PITPNC1: variants seen among roughly 807,000 people sequenced by gnomAD.
PITPNC1 encodes the protein cytoplasmic phosphatidylinositol transfer protein 1.
In PITPNC1, 18 loss-of-function variants were observed where a neutral mutation model predicts 44.7. The ratio of observed to expected loss-of-function variants is 0.40; its 90% confidence interval spans 0.28 to 0.60. The LOEUF (loss-of-function observed/expected upper bound fraction) is 0.60. PITPNC1 is among the 20% of genes least tolerant of loss of function. PITPNC1 has a pLI of 0.39. For missense variants in PITPNC1, 290 were observed against 418.4 expected (o/e 0.69, Z 2.68); for synonymous variants, 141 against 149.6 (o/e 0.94, Z 0.42).
At chr17:67,673,347 G>T (rs1350179343) in intron 7 of PITPNC1, among the ~76,000 whole-genome samples, 4 of 152,044 alleles carry the variant, frequency 2.6e-5, no homozygotes, top group Non-Finnish European at 5.9e-5. Context: ...TATTTACCCA[G>T]GATGGAAAAG....
chr17:67,377,809 G>A lies in PITPNC1; in HGVS notation c.-346G>A, dbSNP rs1020494009. 3 of 287,980 alleles carry A rather than the reference G, an allele frequency of 1.0e-5. No individual in the cohort carries two copies. Among genetic ancestry groups the A allele is most frequent in the Admixed American group, 5.2e-5 (1 of 19,110 alleles). The allele number at this position is 287,980 out of a possible 1,614,324, so 17.8% of individuals were successfully genotyped here. A position where few individuals can be genotyped will look rare whatever the true frequency, so the allele number is the denominator to read the frequency against. On this transcript the variant is annotated 5_prime_UTR_variant, in exon 1 of 9. Coordinates refer to ENST00000581322, the MANE Select transcript of PITPNC1 (RefSeq NM_012417.4). ...CTTTTTTCCTCCCTCGCTCGCTGCC[G>A]GGCATGTCCTGATCTGGCGGCCGCT... is the stretch of plus-strand genomic sequence containing the variant.
intron 1 of PITPNC1, among the ~76,000 whole-genome samples, chr17:67,397,036 G>A (rs1386603139): frequency 1.3e-5 from 2 of 151,920 alleles, no homozygotes; most frequent in Non-Finnish European, 2.9e-5. Context: ...GCTGGAGTGC[G>A]ATGGTGTGAT....
intron 1 of PITPNC1, among the ~76,000 whole-genome samples, chr17:67,493,684 G>A (rs1380688867): frequency 6.6e-6 from 1 of 152,188 alleles, no homozygotes; most frequent in Non-Finnish European, 1.5e-5. Context: ...GGAAATACTG[G>A]AAAGGGGAGG....
chr17:67,499,613 T>C (rs950486105), intron 1 of PITPNC1, among the ~76,000 whole-genome samples: 1 of 152,228 alleles, frequency 6.6e-6, no homozygotes, highest in Non-Finnish European at 1.5e-5. Context: ...ATTACAGTCA[T>C]GCACCATATA....
chr17:67,382,340 T>G (rs958028421), intron 1 of PITPNC1, among the ~76,000 whole-genome samples: 1 of 62,146 alleles, frequency 1.6e-5, no homozygotes, highest in East Asian at 2.6e-4. Flanking sequence ...GGTTTTTTGG[T>G]GTGTGTGTGT....
At position 67,529,530 on chromosome 17, in the gene PITPNC1, C is replaced by T. The variant is rs374685100; in HGVS notation, c.49-3272C>T. The stretch of plus-strand genomic sequence containing the variant: ...TCAGTGGCATCTAGTGCATTCTCAA[C>T]GTTGTGCAAAACCACCTCTATCCAA... On this transcript the variant is annotated intron_variant, in intron 1 of 8. Transcript: ENST00000581322. Among the ~76,000 whole-genome samples, 5 of 152,220 alleles carry T rather than the reference C, an allele frequency of 3.3e-5. No individual in the cohort carries two copies. In the East Asian group the frequency reaches 5.8e-4, roughly 18 times the overall value.
chr17:67,491,049 A>C (rs928267785), intron 1 of PITPNC1, among the ~76,000 whole-genome samples: 2 of 152,220 alleles, frequency 1.3e-5, no homozygotes, highest in African/African-American at 2.4e-5. Context: ...CAAAGAATGC[A>C]GTCCTGCCCT....
Position 67,464,115 on chromosome 17 carries a change from C to T in PITPNC1, c.49-68687C>T, listed in dbSNP as rs112153237. Among the ~76,000 whole-genome samples the T allele has an allele frequency of 4.5e-3, 684 of 151,814 alleles. 5 individuals carry two copies. The highest frequency in any genetic ancestry group is 0.016 in the African/African-American group (650 of 41,354). On this transcript the variant is annotated intron_variant, in intron 1 of 8. Transcript: ENST00000581322. ...GGCTGAGGCAGGAGAATCGCTTGAA[C>T]CCGGGAGGCAGAGGTTGCAGTGAGC...
intron 1 of PITPNC1, among the ~76,000 whole-genome samples, chr17:67,412,939 C>T (rs890150024): frequency 6.6e-6 from 1 of 152,190 alleles, no homozygotes; most frequent in Admixed American, 6.5e-5. Flanking sequence ...TAGTTCTTAT[C>T]GATCATTTCC....
chr17:67,459,151 CTT>C (rs2039300698), intron 1 of PITPNC1, among the ~76,000 whole-genome samples: 2 of 90,664 alleles, frequency 2.2e-5, no homozygotes, highest in African/African-American at 9.3e-5. Context: ...GAGTTTTGCT[CTT>C]GTCGCCCAGG....
At chr17:67,661,213 G>A (rs537285976) in intron 6 of PITPNC1, among the ~76,000 whole-genome samples, 60 of 151,782 alleles carry the variant, frequency 4.0e-4, no homozygotes, top group Admixed American at 1.9e-3. Flanking sequence ...GGTGGTTTCC[G>A]GGTTGGTTTA....
intron 6 of PITPNC1, among the ~76,000 whole-genome samples, chr17:67,633,797 C>CG (rs1270020440): frequency 6.6e-6 from 1 of 152,160 alleles, no homozygotes; most frequent in African/African-American, 2.4e-5. Context: ...ACGCCTCGGG[C>CG]CCCCCCGGGC....
intron 6 of PITPNC1, among the ~76,000 whole-genome samples, chr17:67,643,119 G>A (rs1319146202): frequency 6.6e-6 from 1 of 152,176 alleles, no homozygotes; most frequent in East Asian, 1.9e-4. Context: ...GCCCTTGGGG[G>A]CCAGGTGCAG....
chr17:67,487,182 TTTTG>T (rs1209390911), intron 1 of PITPNC1, among the ~76,000 whole-genome samples: 1 of 152,156 alleles, frequency 6.6e-6, no homozygotes, highest in East Asian at 1.9e-4. Context: ...CCTTTTTTGT[TTTTG>T]TTTATTTTGA....
At chr17:67,571,240 G>A (rs943148318) in intron 4 of PITPNC1, among the ~76,000 whole-genome samples, 1 of 152,106 alleles carries the variant, frequency 6.6e-6, no homozygotes, top group Non-Finnish European at 1.5e-5. Context: ...AGACCAACCT[G>A]GGCAACACAG....
intron 1 of PITPNC1, among the ~76,000 whole-genome samples, chr17:67,383,141 C>T (rs1283559400): frequency 6.6e-6 from 1 of 151,294 alleles, no homozygotes; most frequent in Admixed American, 6.6e-5. Context: ...GATTTACAGG[C>T]TTGTACCACC....
intron 1 of PITPNC1, among the ~76,000 whole-genome samples, chr17:67,515,741 ATATC>A (rs1362465758): frequency 6.6e-6 from 1 of 152,176 alleles, no homozygotes. Flanking sequence ...CTCCCACAGA[ATATC>A]TATATTCAGC....
chr17:67,550,857 C>T (rs534353093), intron 2 of PITPNC1, among the ~76,000 whole-genome samples: 3 of 152,062 alleles, frequency 2.0e-5, no homozygotes, highest in Admixed American at 6.5e-5. Flanking sequence ...GTCAGGAGAT[C>T]GAGACCATCC....
At chr17:67,416,675 T>A (rs2038594320) in intron 1 of PITPNC1, among the ~76,000 whole-genome samples, 1 of 152,200 alleles carries the variant, frequency 6.6e-6, no homozygotes, top group Non-Finnish European at 1.5e-5. Context: ...CTGGCATATT[T>A]GAGAAGTACA....
Sources: gnomAD v4.1 joint callset for allele counts (sites outside exome capture counted in the v4.1 genomes callset) on GRCh38, gnomAD v4.1.1 for gene constraint, MANE v1.5 for transcripts, NCBI Gene and HGNC (gene_info 2026-07-23, HGNC 2026-07-21) for gene names.